The following PRIMA1 variants were observed in gnomAD, a reference collection of about 807,000 sequenced individuals.
PRIMA1 encodes proline-rich membrane anchor 1.
Under a neutral mutation model 17.5 loss-of-function variants are expected in PRIMA1, and 7 were observed. That is an observed-to-expected ratio of 0.40 (90% CI 0.23 to 0.75). The LOEUF is 0.75. Among genes scored for constraint, PRIMA1 ranks in the 30% least tolerant of loss-of-function variants. The pLI is 0.37. For synonymous variants in PRIMA1, 97 were observed against 77.9 expected (o/e 1.25, Z -1.29); for missense variants, 200 against 201.8 (o/e 0.99, Z 0.05).
chr14:93,745,239 G>T (rs758758752), intron 3 of PRIMA1, among the ~76,000 whole-genome samples: 1 of 152,188 alleles, frequency 6.6e-6, no homozygotes, highest in Non-Finnish European at 1.5e-5. Context: ...ATAACGCCTT[G>T]GTCAGCCTGT....
chr14:93,763,089 T>A (rs1249381203), intron 3 of PRIMA1, among the ~76,000 whole-genome samples: 2 of 152,220 alleles, frequency 1.3e-5, no homozygotes, highest in Admixed American at 1.3e-4. Flanking sequence ...AGGGCGAGCA[T>A]ATCCATGGCT....
chr14:93,726,886 C>CACAT lies in PRIMA1; in HGVS notation c.360-5344_360-5341dup, dbSNP rs1375532085. Among the ~76,000 whole-genome samples, 1 of 152,182 alleles carries CACAT rather than the reference C, an allele frequency of 6.6e-6. No homozygotes were observed. Among genetic ancestry groups the CACAT allele is most frequent in the Non-Finnish European group, 1.5e-5 (1 of 68,030 alleles). On this transcript the variant is annotated intron_variant, in intron 4 of 4. Transcript: ENST00000393140. The surrounding 1 kb of genome is among the most constrained non-coding windows in gnomAD (Gnocchi z 4.2). ...ATACACATATGTGCACATGCATGCACACATACATATGAATACACATATGCA... is the reference window on the plus strand; with the variant it reads ...ATACACATATGTGCACATGCATGCACACATACATACATATGAATACACATATGCA...
At chr14:93,736,108 G>A (rs1016784545) in intron 4 of PRIMA1, among the ~76,000 whole-genome samples, 9 of 152,146 alleles carry the variant, frequency 5.9e-5, no homozygotes, top group African/African-American at 2.2e-4. Context: ...ACCAAACCCC[G>A]AGTGTCCCCT....
At chr14:93,757,266 G>C (rs1368969113) in intron 3 of PRIMA1, among the ~76,000 whole-genome samples, 1 of 152,066 alleles carries the variant, frequency 6.6e-6, no homozygotes, top group East Asian at 1.9e-4. Flanking sequence ...TTACTTAATG[G>C]CTGCCCCTCT....
At chr14:93,741,874 G>C (rs902435299) in intron 3 of PRIMA1, among the ~76,000 whole-genome samples, 10 of 152,074 alleles carry the variant, frequency 6.6e-5, no homozygotes, top group African/African-American at 2.4e-4. Context: ...GGCAGGAGTT[G>C]ACATCTCAGG....
chr14:93,770,909 A>G (rs533699663), intron 3 of PRIMA1, among the ~76,000 whole-genome samples: 2 of 152,322 alleles, frequency 1.3e-5, no homozygotes, highest in Admixed American at 1.3e-4. Context: ...CGTGCTAAAT[A>G]TCTGGGGCTA....
In PRIMA1 at chr14:93,726,778, C is replaced by G. The variant is rs1224490175; in HGVS notation, c.360-5232G>C. Among the ~76,000 whole-genome samples the G allele has an allele frequency of 1.3e-5, 2 of 152,084 alleles. No homozygotes were observed. The highest frequency in any genetic ancestry group is 2.9e-5 in the Non-Finnish European group (2 of 68,012). On this transcript the variant is annotated intron_variant, in intron 4 of 4. Transcript: ENST00000393140. This position sits in a 1 kb window ranked among gnomAD's most constrained non-coding sequence, Gnocchi z 4.2. The stretch of plus-strand genomic sequence containing the variant: ...GCATAAATGTACAAATCCACACACA[C>G]AAACAATATACACATACACACATGT...
Position 93,733,105 on chromosome 14 carries a change from C to T in PRIMA1, c.359+4136G>A, listed in dbSNP as rs141176119. Among the ~76,000 whole-genome samples the T allele has an allele frequency of 7.2e-4, 109 of 152,322 alleles. 1 individual carries two copies. Among genetic ancestry groups the T allele is most frequent in the Middle Eastern group, 6.8e-3 (2 of 292 alleles). On this transcript the variant is annotated intron_variant, in intron 4 of 4. Coordinates refer to ENST00000393140, the MANE Select transcript of PRIMA1 (RefSeq NM_178013.4). ...GGCTCCCTATGGCTGGGAACCCCCT[C>T]TGGAGTTTGGGGTCATTGACAGCAG... is the stretch of plus-strand genomic sequence containing the variant.
intron 4 of PRIMA1, among the ~76,000 whole-genome samples, chr14:93,735,557 T>C (rs1022195714): frequency 2.0e-5 from 3 of 152,152 alleles, no homozygotes; most frequent in African/African-American, 7.2e-5. Flanking sequence ...GAGCAGCCTG[T>C]AGGCACAGCC....
At chr14:93,788,916 G>T (rs945320730), upstream of PRIMA1, among the ~76,000 whole-genome samples, 41 of 152,274 alleles carry the variant, frequency 2.7e-4, no homozygotes, top group Non-Finnish European at 4.6e-4. Flanking sequence ...GCACTGGGGT[G>T]CCCGAGCTCT....
chr14:93,729,535 G>T (rs751748505), intron 4 of PRIMA1, among the ~76,000 whole-genome samples: 4 of 152,222 alleles, frequency 2.6e-5, no homozygotes, highest in Non-Finnish European at 5.9e-5. Context: ...GGTGAGTTGA[G>T]GGTGGATGGA....
chr14:93,747,607 G>A (rs2076227672), intron 3 of PRIMA1, among the ~76,000 whole-genome samples: 2 of 151,316 alleles, frequency 1.3e-5, no homozygotes. Flanking sequence ...GTATGAGTGT[G>A]TGAGAGTGTG....
At chr14:93,749,534 TAAC>T (rs925347283) in intron 3 of PRIMA1, among the ~76,000 whole-genome samples, 44 of 151,490 alleles carry the variant, frequency 2.9e-4, no homozygotes, top group African/African-American at 9.5e-4. Flanking sequence ...GTGACTTTGG[TAAC>T]AACAACAGGA....
chr14:93,733,814 C>T (rs1595194034), intron 4 of PRIMA1, among the ~76,000 whole-genome samples: 1 of 152,226 alleles, frequency 6.6e-6, no homozygotes, highest in African/African-American at 2.4e-5. Context: ...AAGAAATCCT[C>T]CACTTCGCTG....
chr14:93,754,764 C>G (rs2076280769), intron 3 of PRIMA1, among the ~76,000 whole-genome samples: 1 of 152,218 alleles, frequency 6.6e-6, no homozygotes, highest in African/African-American at 2.4e-5. Context: ...GCCACCCACT[C>G]TTTATTTTTC....
intron 4 of PRIMA1, among the ~76,000 whole-genome samples, chr14:93,733,367 T>C (rs1020470336): frequency 6.6e-6 from 1 of 152,210 alleles, no homozygotes; most frequent in Admixed American, 6.5e-5. Context: ...CAAGTGCTAG[T>C]GAGACTCTTC....
chr14:93,758,143 CT>C (rs1351867130), intron 3 of PRIMA1, among the ~76,000 whole-genome samples: 1 of 152,168 alleles, frequency 6.6e-6, no homozygotes, highest in Non-Finnish European at 1.5e-5. Flanking sequence ...GGGTACACCC[CT>C]GTCTCAGCTC....
chr14:93,758,268 A>C (rs2076304511), intron 3 of PRIMA1, among the ~76,000 whole-genome samples: 2 of 152,116 alleles, frequency 1.3e-5, no homozygotes, highest in Admixed American at 1.3e-4. Context: ...TGACCACATA[A>C]GATGACAAAA....
At chr14:93,787,028 G>A (rs1423270335) in intron 2 of PRIMA1, among the ~76,000 whole-genome samples, 1 of 151,940 alleles carries the variant, frequency 6.6e-6, no homozygotes, top group Non-Finnish European at 1.5e-5. Context: ...ATTCTGGGGG[G>A]GACTAGGGAC....
Sources: allele counts gnomAD v4.1 joint callset (sites outside exome capture counted in the v4.1 genomes callset), GRCh38; gene constraint gnomAD v4.1.1; non-coding constraint Gnocchi (gnomAD v3.1); transcripts MANE v1.5; gene names NCBI Gene and HGNC (gene_info 2026-07-23, HGNC 2026-07-21).